The following MZT2B variants were observed in gnomAD, a reference collection of about 807,000 sequenced individuals.
MZT2B encodes mitotic spindle organizing protein 2B.
MZT2B carries 11 observed loss-of-function variants against 12.1 expected under a neutral mutation model. The observed-to-expected ratio is 0.91, with a 90% CI of 0.57 to 1.50. The LOEUF (loss-of-function observed/expected upper bound fraction) is 1.50, where lower values mean the gene tolerates loss of function less well. Among genes scored for constraint, MZT2B ranks in the 40% most tolerant of loss-of-function variants. The pLI is 0.00. For missense variants in MZT2B, 209 were observed against 227.7 expected (o/e 0.92, Z 0.53); for synonymous variants, 85 against 109.5 (o/e 0.78, Z 1.40).
downstream of MZT2B, among the ~76,000 whole-genome samples, chr2:130,193,086 G>A (rs527363061): frequency 1.2e-4 from 15 of 124,702 alleles, no homozygotes; most frequent in Non-Finnish European, 2.3e-4. Context: ...GAGCAAGATT[G>A]TCTCAAAAAA....
chr2:130,185,198 C>T (rs1690010601), intron 2 of MZT2B, among the ~76,000 whole-genome samples: 1 of 151,964 alleles, frequency 6.6e-6, no homozygotes, highest in African/African-American at 2.4e-5. Context: ...GTAGTCCCAG[C>T]TACTCGGGAG....
the MZT2B span, chr2:130,202,452 G>A: frequency 3.8e-5 from 48 of 1,278,222 alleles, no homozygotes; most frequent in African/African-American, 4.6e-5. Flanking sequence ...AGGCAGTTTG[G>A]TTCTGGGTGA....
At chr2:130,203,905 A>G in the MZT2B span, among the ~76,000 whole-genome samples, 1 of 131,770 alleles carries the variant, frequency 7.6e-6, no homozygotes, top group Non-Finnish European at 1.7e-5. Flanking sequence ...TCCTGCTGTA[A>G]GTTACTCCAT....
intron 2 of MZT2B, among the ~76,000 whole-genome samples, chr2:130,187,658 G>A (rs1253369367): frequency 4.6e-5 from 7 of 152,090 alleles, no homozygotes; most frequent in African/African-American, 9.7e-5. Flanking sequence ...AGCCCCTCCC[G>A]AGGGAGCAGG....
At chr2:130,184,005 C>T (rs532049061) in intron 2 of MZT2B, 22 of 1,550,472 alleles carry the variant, frequency 1.4e-5, no homozygotes, top group East Asian at 2.4e-5. Context: ...TTGGTGCTCT[C>T]CCTTGTTTCC....
downstream of MZT2B, chr2:130,195,205 G>C (rs765002756): frequency 2.5e-6 from 4 of 1,613,874 alleles, no homozygotes; most frequent in Non-Finnish European, 3.4e-6. Context: ...AGAGCTGCCT[G>C]TAGGTCCCTG....
At chr2:130,201,925 G>A in the MZT2B span, among the ~76,000 whole-genome samples, 1 of 152,114 alleles carries the variant, frequency 6.6e-6, no homozygotes, top group Non-Finnish European at 1.5e-5. Context: ...AACTTTATGG[G>A]ACCACTCTTA....
the MZT2B span, chr2:130,196,207 A>G: frequency 8.7e-6 from 14 of 1,613,994 alleles, no homozygotes; most frequent in East Asian, 2.2e-4. Flanking sequence ...TGCCAGCTCC[A>G]GTCTCACTGA....
chr2:130,192,282 G>A (rs1042522684), downstream of MZT2B, among the ~76,000 whole-genome samples: 3 of 152,190 alleles, frequency 2.0e-5, no homozygotes, highest in African/African-American at 7.2e-5. Context: ...CACCAGGCAG[G>A]GTGATAGTTC....
intron 2 of MZT2B, chr2:130,184,777 C>T: frequency 1.0e-6 from 1 of 985,430 alleles, no homozygotes; most frequent in East Asian, 1.1e-4. Flanking sequence ...AGCACTCACT[C>T]AGGGCTCTGG....
chr2:130,183,565 G>A (rs1189876374), intron 2 of MZT2B: 26 of 726,662 alleles, frequency 3.6e-5, no homozygotes, highest in Non-Finnish European at 4.8e-5. Flanking sequence ...CAACCTCCTA[G>A]GCCAATGGAA....
chr2:130,204,669 C>T, the MZT2B span, among the ~76,000 whole-genome samples: 4 of 118,230 alleles, frequency 3.4e-5, no homozygotes, highest in Admixed American at 3.1e-4. Flanking sequence ...CCAGCCTGGG[C>T]ATCAAGAGCA....
intron 2 of MZT2B, among the ~76,000 whole-genome samples, chr2:130,187,054 C>G (rs1325784193): frequency 2.4e-4 from 36 of 149,744 alleles, no homozygotes; most frequent in African/African-American, 8.2e-4. Flanking sequence ...CCACCCATTT[C>G]TACAAAGAAA....
rs1689780514 is a variant in MZT2B, at chr2:130,182,600, C to G, written c.171-27C>G. 4 of 1,554,718 alleles carry G rather than the reference C, an allele frequency of 2.6e-6. No homozygotes were observed. In the Admixed American group the frequency reaches 7.7e-5, roughly 30 times the overall value. ...GTGGCCGCGCCGGGCGGAGAGGGCT[C>G]ACCGGCCCCGCGTCTGTCCCCGCCA... is the stretch of plus-strand genomic sequence containing the variant. On this transcript the variant is annotated intron_variant, in intron 1 of 2. Transcript: ENST00000281871.
At chr2:130,183,730 G>T in intron 2 of MZT2B, 2 of 1,550,448 alleles carry the variant, frequency 1.3e-6, no homozygotes, top group Non-Finnish European at 1.7e-6. Flanking sequence ...CTGCGTGCTG[G>T]CCTCTTCACT....
chr2:130,204,704 A>G, the MZT2B span, among the ~76,000 whole-genome samples: 6,795 of 56,682 alleles, frequency 0.12, 351 homozygotes, highest in Middle Eastern at 0.2. Flanking sequence ...AAAAAAAAAA[A>G]GGGGGGGTGG....
intron 2 of MZT2B, chr2:130,184,488 T>C (rs1375906044): frequency 7.1e-6 from 7 of 985,268 alleles, no homozygotes; most frequent in Non-Finnish European, 7.2e-6. Context: ...TAGCACACTT[T>C]CCAGGTGTCA....
At chr2:130,200,152 G>A in the MZT2B span, among the ~76,000 whole-genome samples, 3 of 151,802 alleles carry the variant, frequency 2.0e-5, no homozygotes, top group Admixed American at 6.6e-5. Flanking sequence ...AGCACTTTGG[G>A]AGGCCAAGTC....
chr2:130,182,028 C>T (rs1250857146), upstream of MZT2B: 3 of 1,351,292 alleles, frequency 2.2e-6, no homozygotes, highest in Admixed American at 6.2e-5. Context: ...ATCAGGGAGG[C>T]CCAGATCGCC....
Sources: gnomAD v4.1 joint callset for allele counts (sites outside exome capture counted in the v4.1 genomes callset) on GRCh38, gnomAD v4.1.1 for gene constraint, MANE v1.5 for transcripts, NCBI Gene and HGNC (gene_info 2026-07-23, HGNC 2026-07-21) for gene names.